EVI5: variants seen among roughly 807,000 people sequenced by gnomAD.
The protein encoded by EVI5 is ecotropic viral integration site 5.
EVI5 carries 73 observed loss-of-function variants against 112.0 expected under a neutral mutation model. The observed-to-expected ratio is 0.65, with a 90% CI of 0.54 to 0.79. EVI5 has a LOEUF of 0.79. Among genes scored for constraint, EVI5 ranks in the 30% least tolerant of loss-of-function variants. The pLI is 0.00. For synonymous variants in EVI5, 305 were observed against 319.9 expected (o/e 0.95, Z 0.50); for missense variants, 900 against 968.8 (o/e 0.93, Z 0.94).
chr1:92,780,835 A>G (rs1684764009), intron 1 of EVI5, among the ~76,000 whole-genome samples: 1 of 151,352 alleles, frequency 6.6e-6, no homozygotes, highest in South Asian at 2.1e-4. Context: ...CCTTGTCTCA[A>G]AGAAAAAAAA....
chr1:92,588,051 T>TA (rs1673099232), intron 18 of EVI5, among the ~76,000 whole-genome samples: 1 of 152,220 alleles, frequency 6.6e-6, no homozygotes, highest in Non-Finnish European at 1.5e-5. Context: ...CATTTAGTAT[T>TA]AATGTAAAAA....
upstream of EVI5, among the ~76,000 whole-genome samples, chr1:92,786,381 T>C (rs1685643964): frequency 6.6e-6 from 1 of 152,188 alleles, no homozygotes; most frequent in South Asian, 2.1e-4. Flanking sequence ...TAACTTTAGG[T>C]TGTGCCATTA....
At chr1:92,641,056 C>A (rs1002427234) in intron 13 of EVI5, among the ~76,000 whole-genome samples, 1 of 152,042 alleles carries the variant, frequency 6.6e-6, no homozygotes, top group Non-Finnish European at 1.5e-5. Context: ...ACAACACACA[C>A]CAGGGCCTGT....
intron 18 of EVI5, chr1:92,580,642 T>TTCTC: frequency 5.2e-6 from 1 of 193,816 alleles, no homozygotes; most frequent in Non-Finnish European, 1.2e-5. Flanking sequence ...ATTTTGTGTT[T>TTCTC]TATCTTGCTT....
chr1:92,667,839 T>C (rs1363313263), intron 10 of EVI5, among the ~76,000 whole-genome samples: 1 of 152,080 alleles, frequency 6.6e-6, no homozygotes, highest in African/African-American at 2.4e-5. Context: ...ATGGTCTTGA[T>C]CTCCTGACCT....
chr1:92,736,975 G>A (rs1395732168), intron 1 of EVI5, among the ~76,000 whole-genome samples: 3 of 152,168 alleles, frequency 2.0e-5, no homozygotes, highest in East Asian at 3.8e-4. Flanking sequence ...CTACATGTAT[G>A]TATGTATATG....
At chr1:92,786,211 G>T (rs1271226371), upstream of EVI5, among the ~76,000 whole-genome samples, 1 of 148,342 alleles carries the variant, frequency 6.7e-6, no homozygotes, top group Non-Finnish European at 1.5e-5. Context: ...TCGCAGATGG[G>T]TTTCCACTGA....
At position 92,663,803 on chromosome 1, in the gene EVI5, A is replaced by G. The variant is rs534141200; in HGVS notation, c.1213-351T>C. Reference sequence around the variant, plus strand: ...GTCACCCAGGCTAGAATGCAATGGCATCATCATGTAGCTCATTGTAACTGC... The same window carrying G: ...GTCACCCAGGCTAGAATGCAATGGCGTCATCATGTAGCTCATTGTAACTGC... On this transcript the variant is annotated intron_variant, in intron 11 of 19. Coordinates refer to ENST00000684568, the MANE Select transcript of EVI5 (RefSeq NM_001350197.2). Among the ~76,000 whole-genome samples, 79 of 152,270 alleles carry G rather than the reference A, an allele frequency of 5.2e-4. 1 individual carries two copies. The highest frequency in any genetic ancestry group is 1.9e-3 in the African/African-American group (78 of 41,544).
Position 92,694,362 on chromosome 1 carries a change from T to A in EVI5, c.936A>T (p.Gly312=). The A allele has an allele frequency of 6.2e-7, 1 of 1,604,196 alleles. No individual in the cohort carries two copies. The highest frequency in any genetic ancestry group is 8.5e-7 in the Non-Finnish European group (1 of 1,172,776). Residue 312 remains glycine, a synonymous_variant, in exon 8 of 20, where the codon GGA becomes GGT. Transcript: ENST00000684568. ...SEGLEIVFRV[G]LALLQMNQAE... ...CCTGATTCATCTGAAGAAGTGCTAATCCTACACGAAACACTATTTCTAAAC... is the reference window on the plus strand; with the variant it reads ...CCTGATTCATCTGAAGAAGTGCTAAACCTACACGAAACACTATTTCTAAAC...
chr1:92,653,552 C>T (rs761638754), intron 13 of EVI5, among the ~76,000 whole-genome samples: 1 of 152,248 alleles, frequency 6.6e-6, no homozygotes, highest in Non-Finnish European at 1.5e-5. Context: ...CTCAACCCCA[C>T]TGCTGTAGGC....
intron 1 of EVI5, among the ~76,000 whole-genome samples, chr1:92,778,578 A>G (rs1421867678): frequency 6.6e-6 from 1 of 152,160 alleles, no homozygotes; most frequent in Non-Finnish European, 1.5e-5. Flanking sequence ...CCAAGCAGAA[A>G]ACTGGAAGAT....
At chr1:92,741,774 T>C (rs1678453259) in intron 1 of EVI5, among the ~76,000 whole-genome samples, 1 of 152,128 alleles carries the variant, frequency 6.6e-6, no homozygotes. Context: ...ATGTCTCCAT[T>C]TTAGAGATAA....
chr1:92,597,404 T>C (rs955000804), intron 18 of EVI5, among the ~76,000 whole-genome samples: 3 of 152,200 alleles, frequency 2.0e-5, no homozygotes, highest in African/African-American at 7.2e-5. Context: ...ATTACAGTCA[T>C]TAATACCAAC....
chr1:92,560,795 G>A (rs1024184983), intron 19 of EVI5, among the ~76,000 whole-genome samples: 1 of 151,728 alleles, frequency 6.6e-6, no homozygotes, highest in African/African-American at 2.4e-5. Context: ...GAACTCCTGG[G>A]CTAAAGTGAC....
chr1:92,694,299 C>T lies in EVI5; in HGVS notation c.999G>A (p.Gln333=), dbSNP rs777333347. 6.5e-6 allele frequency: 10 copies of T among 1,542,398 alleles called. No individual in the cohort carries two copies. In the African/African-American group the frequency reaches 1.4e-4, roughly 21 times the overall value. Residue 333 remains glutamine, a splice_region_variant and synonymous_variant, in exon 8 of 20, where the codon CAG becomes CAA. Coordinates refer to ENST00000684568, the MANE Select transcript of EVI5 (RefSeq NM_001350197.2). ...AAAAGAAAATAAATTATGAACTTAC[C>T]TGTAACATCCCTTCCATGTCAAGTT... ...LMQLDMEGML[Q]HFQKVIPHQF... is the part of the protein sequence containing the mutation.
chr1:92,731,150 C>T (rs1676401464), intron 2 of EVI5, among the ~76,000 whole-genome samples: 1 of 151,954 alleles, frequency 6.6e-6, no homozygotes. Flanking sequence ...ATGGTGAAAC[C>T]CCATCTCTAC....
chr1:92,670,578 G>C (rs900266894), intron 10 of EVI5, among the ~76,000 whole-genome samples: 3 of 152,136 alleles, frequency 2.0e-5, no homozygotes, highest in Admixed American at 1.3e-4. Flanking sequence ...ACCTATGCCA[G>C]TAAATATGAC....
intron 1 of EVI5, among the ~76,000 whole-genome samples, chr1:92,738,023 T>G (rs561653342): frequency 6.6e-6 from 1 of 152,180 alleles, no homozygotes; most frequent in Non-Finnish European, 1.5e-5. Context: ...GAAAGAAAAG[T>G]TGAATGGCAT....
At chr1:92,777,660 C>T (rs1302897449) in intron 1 of EVI5, among the ~76,000 whole-genome samples, 1 of 152,126 alleles carries the variant, frequency 6.6e-6, no homozygotes, top group Non-Finnish European at 1.5e-5. Context: ...GGACAGGTGG[C>T]AACAAGTTTC....
Sources: allele counts gnomAD v4.1 joint callset (sites outside exome capture counted in the v4.1 genomes callset), GRCh38; gene constraint gnomAD v4.1.1; transcripts MANE v1.5; gene names NCBI Gene and HGNC (gene_info 2026-07-23, HGNC 2026-07-21).